The following ZNF804A variants were observed in gnomAD, a reference collection of about 807,000 sequenced individuals.
The protein encoded by ZNF804A is zinc finger protein 804A.
Under a neutral mutation model 16.5 loss-of-function variants are expected in ZNF804A, and 2 were observed. The observed-to-expected ratio is 0.12, with a 90% CI of 0.05 to 0.38. ZNF804A has a LOEUF of 0.38. Among genes scored for constraint, ZNF804A ranks in the 10% least tolerant of loss-of-function variants. ZNF804A has a pLI of 0.99. For synonymous variants in ZNF804A, 534 were observed against 489.6 expected, an observed-to-expected ratio of 1.09 and a Z score of -1.20; for missense variants, 1,473 against 1,390.7, an observed-to-expected ratio of 1.06 and a Z score of -0.94.
chr2:184,679,864 C>G (rs1278691834), intron 1 of ZNF804A, among the ~76,000 whole-genome samples: 1 of 152,150 alleles, frequency 6.6e-6, no homozygotes, highest in Non-Finnish European at 1.5e-5. Flanking sequence ...CGGCAGGGAG[C>G]AGATGGGCTC....
Position 184,921,030 on chromosome 2 carries a change from G to T in ZNF804A, c.256-12573G>T, listed in dbSNP as rs536002736. Among the ~76,000 whole-genome samples the T allele has an allele frequency of 2.0e-3, 300 of 152,250 alleles. 1 individual carries two copies. The highest frequency in any genetic ancestry group is 6.9e-3 in the African/African-American group (288 of 41,558). On this transcript the variant is annotated intron_variant, in intron 2 of 3. Transcript: ENST00000302277. ...TACACCTTCCCTAATCACTTTATTT[G>T]AAATTTTTGTATTTTTAATAGAAAC...
intron 1 of ZNF804A, among the ~76,000 whole-genome samples, chr2:184,745,938 G>A (rs1196076008): frequency 6.6e-6 from 1 of 151,458 alleles, no homozygotes; most frequent in Non-Finnish European, 1.5e-5. Context: ...GGTATTTTAT[G>A]CCATAAATAC....
chr2:184,764,023 T>C lies in ZNF804A; in HGVS notation c.112-102346T>C, dbSNP rs554644568. 9.6e-4 allele frequency among the ~76,000 whole-genome samples: 146 copies of C among 152,230 alleles called. 3 individuals carry two copies. Among genetic ancestry groups the C allele is most frequent in the African/African-American group, 3.2e-3 (133 of 41,552 alleles). On this transcript the variant is annotated intron_variant, in intron 1 of 3. Transcript: ENST00000302277. ...CACCCCCATGAAAACAAGGACTTATTATTCACTACTTTGAGTCTCTATTCC... is the reference window on the plus strand; with the variant it reads ...CACCCCCATGAAAACAAGGACTTATCATTCACTACTTTGAGTCTCTATTCC...
chr2:184,724,608 T>TG, intron 1 of ZNF804A, among the ~76,000 whole-genome samples: 1 of 151,850 alleles, frequency 6.6e-6, no homozygotes, highest in Admixed American at 6.6e-5. Context: ...TGAATAATAG[T>TG]CACTCTGTTA....
At chr2:184,925,383 G>A (rs527934343) in intron 2 of ZNF804A, among the ~76,000 whole-genome samples, 11 of 151,914 alleles carry the variant, frequency 7.2e-5, no homozygotes, top group Admixed American at 6.6e-5. Flanking sequence ...ATTGTCATGG[G>A]ATAACTTTTC....
intron 1 of ZNF804A, among the ~76,000 whole-genome samples, chr2:184,613,634 A>C (rs1246991787): frequency 6.6e-6 from 1 of 152,110 alleles, no homozygotes; most frequent in African/African-American, 2.4e-5. Flanking sequence ...TAATTCTTCT[A>C]AGGCAGTAAG....
intron 1 of ZNF804A, among the ~76,000 whole-genome samples, chr2:184,706,907 G>C (rs981231161): frequency 3.9e-5 from 6 of 152,106 alleles, no homozygotes; most frequent in African/African-American, 1.4e-4. Flanking sequence ...AATATCATTG[G>C]GAAGTAAGCC....
At chr2:184,635,219 G>A (rs1034171775) in intron 1 of ZNF804A, among the ~76,000 whole-genome samples, 3 of 152,042 alleles carry the variant, frequency 2.0e-5, no homozygotes, top group Admixed American at 1.3e-4. Context: ...TTCTTTCACA[G>A]TACAAGCATT....
intron 1 of ZNF804A, among the ~76,000 whole-genome samples, chr2:184,768,731 AT>A (rs1157674919): frequency 6.6e-6 from 1 of 152,114 alleles, no homozygotes; most frequent in Admixed American, 6.6e-5. Flanking sequence ...ATCATGTCTT[AT>A]AAAACCAAAA....
At chr2:184,700,075 A>G (rs538597920) in intron 1 of ZNF804A, among the ~76,000 whole-genome samples, 8 of 152,142 alleles carry the variant, frequency 5.3e-5, no homozygotes, top group South Asian at 2.1e-4. Flanking sequence ...TCCAGACTAC[A>G]TAGTTCTTAG....
At chr2:184,726,304 T>C (rs905512528) in intron 1 of ZNF804A, among the ~76,000 whole-genome samples, 21 of 151,684 alleles carry the variant, frequency 1.4e-4, no homozygotes, top group Admixed American at 1.4e-3. Flanking sequence ...CACCATTGTT[T>C]GTTTTATTTT....
chr2:184,602,368 ATATT>A (rs1331860705), intron 1 of ZNF804A, among the ~76,000 whole-genome samples: 9 of 151,954 alleles, frequency 5.9e-5, no homozygotes. Flanking sequence ...AAATAAGTGA[ATATT>A]TAGTAGTTCT....
chr2:184,826,000 T>C lies in ZNF804A; in HGVS notation c.112-40369T>C, dbSNP rs750828305. On this transcript the variant is annotated intron_variant, in intron 1 of 3. Coordinates refer to ENST00000302277, the MANE Select transcript of ZNF804A (RefSeq NM_194250.2). ...GATTCTGTTACCTCATCCTCCTGAG[T>C]AGCTGAGATTATAGGCACATGCCAC... Among the ~76,000 whole-genome samples the C allele has an allele frequency of 1.6e-4, 24 of 152,084 alleles. 1 individual carries two copies. Among genetic ancestry groups the C allele is most frequent in the Middle Eastern group, 3.4e-3 (1 of 294 alleles).
In ZNF804A at chr2:184,937,478, A is replaced by G; in HGVS notation, c.2082A>G (p.Lys694=). 1 of 1,554,150 alleles carries G rather than the reference A, an allele frequency of 6.4e-7. No homozygotes were observed. The highest frequency in any genetic ancestry group is 2.4e-5 in the East Asian group (1 of 40,938). The change falls in exon 4 of 4, where the codon AAA becomes AAG. Residue 694 remains lysine (K), a synonymous_variant. Coordinates refer to ENST00000302277, the MANE Select transcript of ZNF804A (RefSeq NM_194250.2). ...YDTISSKNHC[K]KNTILLNGQS... ...CTATCAGTTCTAAAAACCACTGTAA[A>G]AAGAACACAATACTTTTAAATGGAC...
At chr2:184,702,683 C>T (rs889720489) in intron 1 of ZNF804A, among the ~76,000 whole-genome samples, 2 of 151,996 alleles carry the variant, frequency 1.3e-5, no homozygotes, top group Non-Finnish European at 2.9e-5. Flanking sequence ...TTCTCAGTCA[C>T]GTACATATGT....
At chr2:184,706,788 G>A (rs1693037707) in intron 1 of ZNF804A, among the ~76,000 whole-genome samples, 1 of 152,148 alleles carries the variant, frequency 6.6e-6, no homozygotes. Flanking sequence ...ATCCAACTTC[G>A]TGTGTCAATA....
At chr2:184,782,454 A>G (rs1013309255) in intron 1 of ZNF804A, among the ~76,000 whole-genome samples, 1 of 151,412 alleles carries the variant, frequency 6.6e-6, no homozygotes, top group African/African-American at 2.4e-5. Context: ...AAACAAAACA[A>G]CAACAACAAA....
intron 1 of ZNF804A, among the ~76,000 whole-genome samples, chr2:184,667,023 T>C (rs1692265363): frequency 6.6e-6 from 1 of 152,008 alleles, no homozygotes; most frequent in African/African-American, 2.4e-5. Context: ...GTTGAGGGTA[T>C]AGAAAGGCAA....
intron 1 of ZNF804A, among the ~76,000 whole-genome samples, chr2:184,793,501 A>G (rs1694585312): frequency 6.6e-6 from 1 of 151,906 alleles, no homozygotes; most frequent in Non-Finnish European, 1.5e-5. Context: ...TGTGGTTTTG[A>G]TTTTCATTTA....
Sources: allele counts gnomAD v4.1 joint callset (sites outside exome capture counted in the v4.1 genomes callset), GRCh38; gene constraint gnomAD v4.1.1; transcripts MANE v1.5; gene names NCBI Gene and HGNC (gene_info 2026-07-23, HGNC 2026-07-21).